Variants in LHX8 observed in about 807,000 individuals in gnomAD.
LHX8 encodes the protein LIM homeobox 8.
A neutral mutation model predicts 40.3 loss-of-function variants in LHX8; 12 were observed. The ratio of observed to expected loss-of-function variants is 0.30; its 90% CI spans 0.19 to 0.48. The LOEUF (loss-of-function observed/expected upper bound fraction) is 0.48, where lower values mean the gene tolerates loss of function less well. Ranked by LOEUF, LHX8 falls within the 20% of genes least tolerant of loss-of-function variation. LHX8 has a pLI of 0.99. For synonymous variants in LHX8, 179 were observed against 162.0 expected, an observed-to-expected ratio of 1.10 and a Z score of -0.80; for missense variants, 344 against 433.7, an observed-to-expected ratio of 0.79 and a Z score of 1.84.
At chr1:75,167,140 G>T in the LHX8 span, among the ~76,000 whole-genome samples, 17 of 152,190 alleles carry the variant, frequency 1.1e-4, no homozygotes, top group Non-Finnish European at 1.8e-4. Flanking sequence ...TAGGGCTGAA[G>T]CTACATTACA....
the LHX8 span, among the ~76,000 whole-genome samples, chr1:75,179,950 G>A: frequency 6.6e-6 from 1 of 152,126 alleles, no homozygotes; most frequent in African/African-American, 2.4e-5. Context: ...CATTTGTGAA[G>A]CTTAGTTTAG....
At chr1:75,160,423 T>A (rs1169870987) in intron 8 of LHX8, 1 of 233,546 alleles carries the variant, frequency 4.3e-6, no homozygotes, top group Non-Finnish European at 8.5e-6. Flanking sequence ...TTTTGATGTA[T>A]GCTTAGGGAG....
At chr1:75,144,090 T>C (rs1648396905) in intron 6 of LHX8, 142 bp downstream of exon 6, 1 of 682,072 alleles carries the variant, frequency 1.5e-6, no homozygotes, top group Non-Finnish European at 2.7e-6. Flanking sequence ...TTGGTGAATA[T>C]ATGAAAACAT....
upstream of LHX8, among the ~76,000 whole-genome samples, chr1:75,134,351 T>C (rs1178481739): frequency 6.6e-6 from 1 of 152,032 alleles, no homozygotes; most frequent in Non-Finnish European, 1.5e-5. Flanking sequence ...CAAAACTTTT[T>C]TTTTTTTCTT....
chr1:75,154,844 C>T (rs1022055462), intron 7 of LHX8, among the ~76,000 whole-genome samples: 1 of 152,138 alleles, frequency 6.6e-6, no homozygotes. Flanking sequence ...ACTTTTCAGC[C>T]TCCTGCTCAA....
At position 75,144,021 on chromosome 1, in the gene LHX8, G is replaced by T; in HGVS notation, c.684+73G>T. On this transcript the variant is annotated intron_variant, in intron 6 of 8. Coordinates refer to ENST00000356261, the MANE Select transcript of LHX8 (RefSeq NM_001256114.2). ...AAAAACAAAAAGTAACCTCCATGCT[G>T]CCCAAAAACATTTTTATGTTTTCTA... 16 of 1,114,516 alleles carry T rather than the reference G, an allele frequency of 1.4e-5. No homozygotes were observed. In the South Asian group the frequency reaches 2.1e-4, roughly 15 times the overall value. 69.0% of individuals were successfully genotyped at this position (1,114,516 alleles called of 1,614,324 possible).
At chr1:75,148,714 T>C (rs1295620767) in intron 7 of LHX8, 32 bp downstream of exon 7, 1 of 1,483,408 alleles carries the variant, frequency 6.7e-7, no homozygotes, top group East Asian at 2.4e-5. Context: ...TTTTTTAAGG[T>C]TTTTAAAAAA....
chr1:75,184,821 G>GTTT, the LHX8 span, among the ~76,000 whole-genome samples: 56 of 140,540 alleles, frequency 4.0e-4, no homozygotes, highest in African/African-American at 4.7e-4. Context: ...TCCAGCAGCT[G>GTTT]TTTTTTTTTT....
the LHX8 span, among the ~76,000 whole-genome samples, chr1:75,175,650 ATTATTTTATT>A: frequency 4.0e-5 from 6 of 151,378 alleles, no homozygotes; most frequent in East Asian, 1.2e-3. Flanking sequence ...TTTTGATGGG[ATTATTTTATT>A]TTATTTTATT....
the LHX8 span, among the ~76,000 whole-genome samples, chr1:75,184,073 C>T: frequency 4.6e-5 from 7 of 152,224 alleles, no homozygotes; most frequent in African/African-American, 1.4e-4. Context: ...AACAAGAAGA[C>T]CTAACTATCC....
chr1:75,140,260 G>A (rs1648277348), intron 3 of LHX8, among the ~76,000 whole-genome samples: 1 of 152,188 alleles, frequency 6.6e-6, no homozygotes, highest in South Asian at 2.1e-4. Flanking sequence ...TACTTGAAGT[G>A]TAAGTGGAAA....
At chr1:75,154,550 G>C (rs989246295) in intron 7 of LHX8, among the ~76,000 whole-genome samples, 2 of 152,068 alleles carry the variant, frequency 1.3e-5, no homozygotes, top group African/African-American at 4.8e-5. Flanking sequence ...TGGCGTATGT[G>C]TCTTCTGGGT....
intron 7 of LHX8, among the ~76,000 whole-genome samples, chr1:75,152,597 A>G (rs1379340077): frequency 1.3e-5 from 2 of 152,248 alleles, no homozygotes; most frequent in Non-Finnish European, 2.9e-5. Flanking sequence ...AACATTGTAT[A>G]TCTACCTTGC....
At chr1:75,190,476 T>C in the LHX8 span, among the ~76,000 whole-genome samples, 1 of 152,200 alleles carries the variant, frequency 6.6e-6, no homozygotes, top group Admixed American at 6.5e-5. Flanking sequence ...AGCTTGACAT[T>C]TGTGTCCCAC....
chr1:75,161,755 G>T (rs1235126798), downstream of LHX8, among the ~76,000 whole-genome samples: 2 of 151,780 alleles, frequency 1.3e-5, no homozygotes, highest in Admixed American at 1.3e-4. Flanking sequence ...AGAGAAGGCA[G>T]AACACTTTTC....
At chr1:75,180,731 T>A in the LHX8 span, among the ~76,000 whole-genome samples, 1 of 152,210 alleles carries the variant, frequency 6.6e-6, no homozygotes, top group Non-Finnish European at 1.5e-5. Context: ...TTTGTTCTCC[T>A]GCTGGCAAGG....
At chr1:75,165,088 T>C (rs1649004349), downstream of LHX8, among the ~76,000 whole-genome samples, 2 of 152,236 alleles carry the variant, frequency 1.3e-5, no homozygotes. Context: ...ATTAGGATTT[T>C]TTCAGCTGAG....
chr1:75,148,504 C>A, intron 6 of LHX8, 83 bp from the exon 7 acceptor site: 1 of 932,946 alleles, frequency 1.1e-6, no homozygotes, highest in Non-Finnish European at 1.8e-6. Flanking sequence ...TTGTGCATGT[C>A]TTACCTCTTA....
At chr1:75,134,312 C>T (rs115473177), upstream of LHX8, among the ~76,000 whole-genome samples, 405 of 151,950 alleles carry the variant, frequency 2.7e-3, 1 homozygote, top group African/African-American at 9.4e-3. Flanking sequence ...CGCCCCCTTC[C>T]TTTATATTAG....
Sources: gnomAD v4.1 joint callset for allele counts (sites outside exome capture counted in the v4.1 genomes callset) on GRCh38, gnomAD v4.1.1 for gene constraint, MANE v1.5 for transcripts, NCBI Gene and HGNC (gene_info 2026-07-23, HGNC 2026-07-21) for gene names.